Variants in RIMBP2 observed in about 807,000 individuals in gnomAD.
The protein encoded by RIMBP2 is RIMS-binding protein 2.
RIMBP2 carries 48 observed loss-of-function variants against 118.6 expected under a neutral mutation model. The ratio of observed to expected loss-of-function variants is 0.40; its 90% CI spans 0.32 to 0.51. The LOEUF (loss-of-function observed/expected upper bound fraction) is 0.51, where lower values mean the gene tolerates loss of function less well. Among genes scored for constraint, RIMBP2 ranks in the 20% least tolerant of loss-of-function variants. The probability of loss-of-function intolerance (pLI) is 0.41; values close to 1 mark genes in which losing one functional copy is unlikely to be tolerated. For synonymous variants in RIMBP2, 762 were observed against 742.9 expected, an observed-to-expected ratio of 1.03 and a Z score of -0.42; for missense variants, 1,551 against 1,768.3, an observed-to-expected ratio of 0.88 and a Z score of 2.20.
intron 2 of RIMBP2, among the ~76,000 whole-genome samples, chr12:130,602,959 T>C (rs905534334): frequency 3.9e-5 from 6 of 152,198 alleles, no homozygotes; most frequent in Admixed American, 2.0e-4. Flanking sequence ...TTCTCATTTA[T>C]AGAGATGAGG....
chr12:130,609,800 T>C (rs4759499), intron 2 of RIMBP2, among the ~76,000 whole-genome samples: 132,574 of 152,072 alleles, frequency 0.87, 57,851 homozygotes, highest in South Asian at 0.91. Flanking sequence ...GGGGACTGGT[T>C]GAGGCCCAGA....
At chr12:130,423,161 G>A (rs1387915721) in intron 16 of RIMBP2, among the ~76,000 whole-genome samples, 1 of 152,192 alleles carries the variant, frequency 6.6e-6, no homozygotes, top group Non-Finnish European at 1.5e-5. Flanking sequence ...TTAGATCAGG[G>A]TTAGGATTGA....
chr12:130,439,431 A>ATGTGGGTGTGTGGG (rs530085318), intron 11 of RIMBP2, among the ~76,000 whole-genome samples: 1 of 141,450 alleles, frequency 7.1e-6, no homozygotes, highest in East Asian at 2.3e-4. Flanking sequence ...GTATATGTGT[A>ATGTGGGTGTGTGGG]TGTGGGTGTG....
chr12:130,502,230 A>T (rs1566155557), intron 4 of RIMBP2, among the ~76,000 whole-genome samples: 2 of 152,162 alleles, frequency 1.3e-5, no homozygotes, highest in Non-Finnish European at 2.9e-5. Context: ...TCAAGCTGAG[A>T]AGCTCCATGC....
At chr12:130,504,996 G>A (rs549651168) in intron 4 of RIMBP2, among the ~76,000 whole-genome samples, 11 of 152,216 alleles carry the variant, frequency 7.2e-5, no homozygotes, top group East Asian at 3.9e-4. Flanking sequence ...AGGGATTCAC[G>A]GCACACCCTC....
rs1173717767 is a variant in RIMBP2 at position 130,420,446 on chromosome 12, G to A, written c.3238+2007C>T. 6.6e-6 allele frequency among the ~76,000 whole-genome samples: 1 copy of A among 152,188 alleles called. No homozygotes were observed. The highest frequency in any genetic ancestry group is 6.5e-5 in the Admixed American group (1 of 15,282). ...TGCTCTTTCACCCAATTTAACAAGT[G>A]TGCTACTGAAATTAAGACACGCATG... On this transcript the variant is annotated intron_variant, in intron 17 of 22. Coordinates refer to ENST00000690449, the MANE Select transcript of RIMBP2 (RefSeq NM_001393629.1). The surrounding 1 kb of genome is among the most constrained non-coding windows in gnomAD (Gnocchi z 4.3).
chr12:130,491,898 CGCCAGCACTTAAGCT>C (rs2048681124), intron 4 of RIMBP2, among the ~76,000 whole-genome samples: 1 of 152,222 alleles, frequency 6.6e-6, no homozygotes, highest in Admixed American at 6.5e-5. Flanking sequence ...TCGACATTCA[CGCCAGCACTTAAGCT>C]GCCTACAAAT....
chr12:130,635,761 G>A (rs1429469256), intron 1 of RIMBP2, among the ~76,000 whole-genome samples: 1 of 152,062 alleles, frequency 6.6e-6, no homozygotes, highest in African/African-American at 2.4e-5. Flanking sequence ...TGGGGCCCAG[G>A]GGTGCAGTCC....
rs77024064 is a variant in RIMBP2, at chr12:130,679,959, G to A, written c.-352+36263C>T. On this transcript the variant is annotated intron_variant, in intron 1 of 22. Transcript: ENST00000690449. ...AAGGACCCGTGAGTGTGATCACGCA[G>A]GGAGTGTGTTCGCCCGCCGTGGGAA... Among the ~76,000 whole-genome samples, 715 of 151,688 alleles carry A rather than the reference G, an allele frequency of 4.7e-3. 6 individuals carry two copies. Among genetic ancestry groups the A allele is most frequent in the African/African-American group, 0.017 (680 of 41,002 alleles).
intron 6 of RIMBP2, among the ~76,000 whole-genome samples, 165 bp from the exon 7 acceptor site, chr12:130,456,865 G>A (rs750402949): frequency 7.9e-5 from 12 of 152,214 alleles, no homozygotes; most frequent in Non-Finnish European, 1.2e-4. Flanking sequence ...GTGTGCATAT[G>A]AGCATGTATC....
intron 1 of RIMBP2, among the ~76,000 whole-genome samples, chr12:130,693,174 C>T (rs1165076693): frequency 6.6e-6 from 1 of 152,142 alleles, no homozygotes; most frequent in Non-Finnish European, 1.5e-5. Flanking sequence ...TCTGTCTCCC[C>T]ACCGTGTCCA....
chr12:130,524,446 C>A (rs2052538061), intron 2 of RIMBP2, among the ~76,000 whole-genome samples: 1 of 152,076 alleles, frequency 6.6e-6, no homozygotes, highest in Non-Finnish European at 1.5e-5. Context: ...CATGCACAGA[C>A]CCACAGTGGA....
At chr12:130,444,681 C>T (rs4635126) in intron 10 of RIMBP2, among the ~76,000 whole-genome samples, 6,164 of 152,286 alleles carry the variant, frequency 0.04, 420 homozygotes, top group African/African-American at 0.14. Flanking sequence ...TGGGGCCACC[C>T]CCTAAGTTGA....
chr12:130,487,871 C>T (rs1309814828), intron 4 of RIMBP2, among the ~76,000 whole-genome samples: 2 of 152,062 alleles, frequency 1.3e-5, no homozygotes, highest in South Asian at 2.1e-4. Context: ...ATCTGTCCCA[C>T]GCCCCCAGCC....
intron 2 of RIMBP2, among the ~76,000 whole-genome samples, chr12:130,572,227 G>A (rs1027587410): frequency 6.9e-5 from 6 of 87,234 alleles, no homozygotes; most frequent in Non-Finnish European, 1.6e-4. Context: ...GTGTTAGGAG[G>A]AGGGGCCTCC....
At chr12:130,536,254 T>A (rs2054073953) in intron 2 of RIMBP2, among the ~76,000 whole-genome samples, 1 of 152,040 alleles carries the variant, frequency 6.6e-6, no homozygotes, top group South Asian at 2.1e-4. Flanking sequence ...AACATAAATA[T>A]AATTTTGGGT....
At chr12:130,530,651 C>G (rs1256773289) in intron 2 of RIMBP2, among the ~76,000 whole-genome samples, 2 of 152,146 alleles carry the variant, frequency 1.3e-5, no homozygotes, top group Non-Finnish European at 2.9e-5. Context: ...AAGGATGTGC[C>G]TCCTAGGATT....
At chr12:130,628,812 T>A (rs192716619) in intron 1 of RIMBP2, among the ~76,000 whole-genome samples, 205 of 152,254 alleles carry the variant, frequency 1.3e-3, no homozygotes, top group Middle Eastern at 6.8e-3. Context: ...AGACAGATGA[T>A]AGCAAGGGAC....
chr12:130,618,434 G>A (rs2061091943), intron 2 of RIMBP2, among the ~76,000 whole-genome samples: 2 of 152,108 alleles, frequency 1.3e-5, no homozygotes, highest in South Asian at 2.1e-4. Context: ...GGATCCTACT[G>A]GCCCCCTCCT....
Sources: gnomAD v4.1 joint callset for allele counts (sites outside exome capture counted in the v4.1 genomes callset) on GRCh38, gnomAD v4.1.1 for gene constraint, Gnocchi (gnomAD v3.1) non-coding constraint, MANE v1.5 for transcripts, NCBI Gene and HGNC (gene_info 2026-07-23, HGNC 2026-07-21) for gene names.